Variants in PCBP3 observed in about 807,000 individuals in gnomAD.
PCBP3 encodes poly(rC)-binding protein 3.
In PCBP3, 25 loss-of-function variants were observed where a neutral mutation model predicts 52.7. That is an observed-to-expected ratio of 0.47 (90% CI 0.35 to 0.66). PCBP3 has a LOEUF of 0.66. Among genes scored for constraint, PCBP3 ranks in the 30% least tolerant of loss-of-function variants. The pLI, the probability that PCBP3 is intolerant of heterozygous loss-of-function variation, is 0.01. For synonymous variants in PCBP3, 162 were observed against 183.0 expected (o/e 0.89, Z 0.93); for missense variants, 391 against 490.3 (o/e 0.80, Z 1.91).
chr21:45,725,738 A>G (rs932533598), intron 2 of PCBP3, among the ~76,000 whole-genome samples: 82 of 151,974 alleles, frequency 5.4e-4, no homozygotes, highest in African/African-American at 1.7e-3. Flanking sequence ...GGAGTGGCTG[A>G]GGGGCTGCCT....
At position 45,663,161 on chromosome 21, in the gene PCBP3, TCC is replaced by T. The variant is rs2080526509; in HGVS notation, c.-278-5712_-278-5711del. 1.4e-4 allele frequency among the ~76,000 whole-genome samples: 4 copies of T among 29,524 alleles called. No individual in the cohort carries two copies. In the South Asian group the frequency reaches 5.2e-3, roughly 39 times the overall value. The allele number at this position is 29,524 out of a possible 152,430, so 19.4% of individuals were successfully genotyped here. On this transcript the variant is annotated intron_variant, in intron 1 of 17. Coordinates refer to ENST00000681687, the MANE Select transcript of PCBP3 (RefSeq NM_001384156.1). ...TGCAGAAATAATGGCGTAAGCTGTC[TCC>T]TCTCTCTCTCTCTCTCTCTCCACCT...
At chr21:45,872,811 C>T (rs570213749) in intron 5 of PCBP3, 4 of 152,268 alleles carry the variant, frequency 2.6e-5, no homozygotes, top group South Asian at 4.1e-4. Flanking sequence ...TTGGGGTTCT[C>T]CTTTAATTTA....
chr21:45,781,541 G>C (rs915232949), intron 4 of PCBP3, among the ~76,000 whole-genome samples: 7 of 152,152 alleles, frequency 4.6e-5, no homozygotes, highest in Non-Finnish European at 8.8e-5. Context: ...TGGTGGGAAT[G>C]GGAAATGGTA....
At position 45,941,933 on chromosome 21, in the gene PCBP3, C is replaced by T; in HGVS notation, c.*227C>T. On this transcript the variant is annotated 3_prime_UTR_variant, in exon 18 of 18. Transcript: ENST00000681687. ...CCCCTCAGTGTTATTTTATTTATGA[C>T]TTACGCTCCCGTCTGCCCATGCACC... 2.3e-6 allele frequency: 1 copy of T among 427,306 alleles called. No individual in the cohort carries two copies. The highest frequency in any genetic ancestry group is 4.1e-6 in the Non-Finnish European group (1 of 243,278). The allele number at this position is 427,306 out of a possible 1,614,324, so 26.5% of individuals were successfully genotyped here.
At chr21:45,927,043 G>A (rs1339075581) in intron 13 of PCBP3, among the ~76,000 whole-genome samples, 2 of 152,150 alleles carry the variant, frequency 1.3e-5, no homozygotes, top group Non-Finnish European at 2.9e-5. Context: ...CATTTTGCTG[G>A]AGATGAAATA....
chr21:45,679,665 C>T (rs1290249966), intron 2 of PCBP3, among the ~76,000 whole-genome samples: 1 of 152,128 alleles, frequency 6.6e-6, no homozygotes, highest in Admixed American at 6.5e-5. Flanking sequence ...ATATGTCTCC[C>T]ATCCTGTATC....
Position 45,939,193 on chromosome 21 carries a change from G to A in PCBP3, c.910-837G>A, listed in dbSNP as rs188665915. Reference sequence around the variant, plus strand: ...CTTTCTCTGCCACAGGTCTGGCCACGTCTCTTTCCTGTCCAAGCTCCAGAG... The same window carrying A: ...CTTTCTCTGCCACAGGTCTGGCCACATCTCTTTCCTGTCCAAGCTCCAGAG... On this transcript the variant is annotated intron_variant, in intron 16 of 17. Coordinates refer to ENST00000681687, the MANE Select transcript of PCBP3 (RefSeq NM_001384156.1). Among the ~76,000 whole-genome samples the A allele has an allele frequency of 1.7e-3, 258 of 152,324 alleles. 1 individual carries two copies. The highest frequency in any genetic ancestry group is 5.5e-3 in the African/African-American group (228 of 41,574).
chr21:45,935,247 AC>A lies in PCBP3; in HGVS notation c.857-3del. The A allele has an allele frequency of 6.2e-7, 1 of 1,608,974 alleles. No individual in the cohort carries two copies. Among genetic ancestry groups the A allele is most frequent in the Non-Finnish European group, 8.5e-7 (1 of 1,176,712 alleles). The stretch of plus-strand genomic sequence containing the variant: ...CAGCCTAACCATGTCCCCTTGGTAT[AC>A]CCAGGTCTGGACGCCAGCCCACCGG... On this transcript the variant is annotated splice_polypyrimidine_tract_variant and splice_region_variant and intron_variant, in intron 15 of 17. Transcript: ENST00000681687.
intron 1 of PCBP3, among the ~76,000 whole-genome samples, chr21:45,657,456 C>G (rs1242842924): frequency 1.3e-5 from 2 of 152,086 alleles, no homozygotes; most frequent in Non-Finnish European, 2.9e-5. Context: ...CTCAGTTGAC[C>G]ATAAAATATG....
At chr21:45,893,424 G>A (rs994619558) in intron 5 of PCBP3, among the ~76,000 whole-genome samples, 3 of 151,976 alleles carry the variant, frequency 2.0e-5, no homozygotes, top group South Asian at 2.1e-4. Context: ...GTCAGGAGTC[G>A]TGCTGGTCAC....
intron 13 of PCBP3, among the ~76,000 whole-genome samples, chr21:45,922,449 G>C (rs1017078959): frequency 6.6e-6 from 1 of 152,146 alleles, no homozygotes; most frequent in Non-Finnish European, 1.5e-5. Flanking sequence ...CAGCTACTCA[G>C]GAGGCTAAGG....
intron 4 of PCBP3, among the ~76,000 whole-genome samples, chr21:45,759,607 A>C (rs980982128): frequency 2.0e-5 from 3 of 152,216 alleles, no homozygotes; most frequent in African/African-American, 7.2e-5. Context: ...AGAGGGACAA[A>C]GAGATATAAA....
Position 45,770,086 on chromosome 21 carries a change from T to C in PCBP3, c.-126+14634T>C, listed in dbSNP as rs573742250. Among the ~76,000 whole-genome samples the C allele has an allele frequency of 3.3e-5, 5 of 152,320 alleles. 1 individual carries two copies. The South Asian group carries it at 1.0e-3, about 32-fold the overall frequency. ...GGGTTGGCAGGTGGCGGCCTCGTGTTGGACATGGTGCATAATCGACGGCGA... is the reference window on the plus strand; with the variant it reads ...GGGTTGGCAGGTGGCGGCCTCGTGTCGGACATGGTGCATAATCGACGGCGA... On this transcript the variant is annotated intron_variant, in intron 4 of 17. Transcript: ENST00000681687.
intron 4 of PCBP3, among the ~76,000 whole-genome samples, chr21:45,820,729 C>T (rs1382511573): frequency 6.6e-6 from 1 of 152,164 alleles, no homozygotes; most frequent in Non-Finnish European, 1.5e-5. Context: ...GGGGGATGAC[C>T]ATGGACCTCT....
chr21:45,910,800 A>C, intron 10 of PCBP3, 102 bp from the exon 11 acceptor site: 1 of 1,205,856 alleles, frequency 8.3e-7, no homozygotes, highest in Admixed American at 2.2e-5. Flanking sequence ...CAGGTTTCCA[A>C]GGAAGTGTCC....
intron 2 of PCBP3, among the ~76,000 whole-genome samples, chr21:45,687,721 A>C (rs2082233838): frequency 6.6e-6 from 1 of 151,910 alleles, no homozygotes; most frequent in Non-Finnish European, 1.5e-5. Flanking sequence ...TCGGAGATAA[A>C]GACATTTCTT....
At chr21:45,764,217 G>A in intron 4 of PCBP3, among the ~76,000 whole-genome samples, 1 of 151,622 alleles carries the variant, frequency 6.6e-6, no homozygotes, top group Non-Finnish European at 1.5e-5. Context: ...CCGCCTCCCG[G>A]GTTCAAGCGA....
At chr21:45,892,164 G>A (rs572237387) in intron 5 of PCBP3, among the ~76,000 whole-genome samples, 2 of 152,164 alleles carry the variant, frequency 1.3e-5, no homozygotes, top group East Asian at 3.9e-4. Flanking sequence ...TCCTTCCTAC[G>A]AGGTGGGCGC....
At chr21:45,674,569 C>T (rs1256581973) in intron 2 of PCBP3, among the ~76,000 whole-genome samples, 1 of 152,136 alleles carries the variant, frequency 6.6e-6, no homozygotes, top group Non-Finnish European at 1.5e-5. Context: ...CATTAATTAT[C>T]TAATTAATTA....
Sources: gnomAD v4.1 joint callset for allele counts (sites outside exome capture counted in the v4.1 genomes callset) on GRCh38, gnomAD v4.1.1 for gene constraint, MANE v1.5 for transcripts, NCBI Gene and HGNC (gene_info 2026-07-23, HGNC 2026-07-21) for gene names.